ANKRD13A: variants seen among roughly 807,000 people sequenced by gnomAD.
ANKRD13A encodes the protein ankyrin repeat domain-containing protein 13A.
ANKRD13A carries 48 observed loss-of-function variants against 81.3 expected under a neutral mutation model. That is an observed-to-expected ratio of 0.59 (90% CI 0.47 to 0.75). The LOEUF (loss-of-function observed/expected upper bound fraction) is 0.75, where lower values mean the gene tolerates loss of function less well. Ranked by LOEUF, ANKRD13A falls within the 30% of genes least tolerant of loss-of-function variation. The pLI is 0.00. For missense variants in ANKRD13A, 612 were observed against 734.0 expected, an observed-to-expected ratio of 0.83 and a Z score of 1.92; for synonymous variants, 230 against 270.1, an observed-to-expected ratio of 0.85 and a Z score of 1.45.
intron 13 of ANKRD13A, among the ~76,000 whole-genome samples, chr12:110,035,050 C>T (rs973441810): frequency 2.0e-5 from 3 of 152,162 alleles, no homozygotes; most frequent in African/African-American, 4.8e-5. Flanking sequence ...CTGCCACCAC[C>T]ATGGCCCCAT....
Position 109,999,824 on chromosome 12 carries a change from T to C in ANKRD13A, c.96+40T>C. On this transcript the variant is annotated intron_variant, in intron 1 of 14. Transcript: ENST00000261739. This position sits in a 1 kb window ranked among gnomAD's most constrained non-coding sequence, Gnocchi z 4.3. The stretch of plus-strand genomic sequence containing the variant: ...GGGGGTCCGTCTCCCGGTGGGGACT[T>C]CGGGGAATCGGGGGTCGTTTCGCCT... The C allele has an allele frequency of 1.4e-6, 2 of 1,477,992 alleles. No homozygotes were observed. Among genetic ancestry groups the C allele is most frequent in the East Asian group, 2.7e-5 (1 of 37,306 alleles). The allele number at this position is 1,477,992 out of a possible 1,614,324, so 91.6% of individuals were successfully genotyped here.
intron 3 of ANKRD13A, among the ~76,000 whole-genome samples, chr12:110,015,507 CTT>C (rs1380420205): frequency 6.6e-6 from 1 of 152,194 alleles, no homozygotes; most frequent in Non-Finnish European, 1.5e-5. Flanking sequence ...TCAGGTTTGA[CTT>C]TTATCCCCCT....
intron 1 of ANKRD13A, among the ~76,000 whole-genome samples, chr12:110,011,061 C>T (rs1002542027): frequency 6.6e-6 from 1 of 151,492 alleles, no homozygotes; most frequent in East Asian, 1.9e-4. Flanking sequence ...GCTGTGATCA[C>T]GCCACTGCAT....
At position 110,018,768 on chromosome 12, in the gene ANKRD13A, T is replaced by C. The variant is rs1254588772; in HGVS notation, c.544+280T>C. Among the ~76,000 whole-genome samples, 1 of 152,324 alleles carries C rather than the reference T, an allele frequency of 6.6e-6. No homozygotes were observed. The highest frequency in any genetic ancestry group is 2.4e-5 in the African/African-American group (1 of 41,562). On this transcript the variant is annotated intron_variant, in intron 5 of 14. Transcript: ENST00000261739. This position sits in a 1 kb window ranked among gnomAD's most constrained non-coding sequence, Gnocchi z 4.4. ...CACAGGCCTTCTGTGTGTATCTCTGTATAACCCTCCATAATCAGGCATGAG... is the reference window on the plus strand; with the variant it reads ...CACAGGCCTTCTGTGTGTATCTCTGCATAACCCTCCATAATCAGGCATGAG...
rs781065986 is a variant in ANKRD13A, at chr12:110,030,763, A to C, written c.1348+5A>C. On this transcript the variant is annotated splice_donor_5th_base_variant and intron_variant, in intron 12 of 14. Coordinates refer to ENST00000261739, the MANE Select transcript of ANKRD13A (RefSeq NM_033121.2). ...AAGGGACCCAGGCTGATTCAGGTAA[A>C]AAAATAAATAAATACAAAGTTTAGT... 1 of 1,546,214 alleles carries C rather than the reference A, an allele frequency of 6.5e-7. No homozygotes were observed. The highest frequency in any genetic ancestry group is 1.4e-5 in the African/African-American group (1 of 71,798).
At chr12:110,004,484 G>A (rs945634049) in intron 1 of ANKRD13A, among the ~76,000 whole-genome samples, 6 of 151,662 alleles carry the variant, frequency 4.0e-5, no homozygotes, top group African/African-American at 1.2e-4. Context: ...GCGTGGTGGT[G>A]CATGCCTGTA....
At chr12:110,001,539 C>T (rs1889978071) in intron 1 of ANKRD13A, among the ~76,000 whole-genome samples, 1 of 151,252 alleles carries the variant, frequency 6.6e-6, no homozygotes, top group Admixed American at 6.6e-5. Flanking sequence ...TCCCGGGTTC[C>T]AGCGATTCTC....
rs775666144 is a variant in ANKRD13A, at chr12:110,024,075, C to T, written c.764C>T (p.Thr255Ile). The T allele has an allele frequency of 6.2e-7, 1 of 1,612,510 alleles. No individual in the cohort carries two copies. Among genetic ancestry groups the T allele is most frequent in the Non-Finnish European group, 8.5e-7 (1 of 1,179,508 alleles). The change falls in exon 7 of 15, where the codon ACA becomes ATA. Residue 255 changes from threonine to isoleucine, a missense_variant. Physicochemically the swap from Thr to Ile is moderately conservative, Grantham distance 89 (BLOSUM62 -1). Coordinates refer to ENST00000261739, the MANE Select transcript of ANKRD13A (RefSeq NM_033121.2). ...RTKSGFWGWR[T>I]DKAEVVNGYE... ...AAATCCGGATTCTGGGGCTGGAGGA[C>T]AGATAAAGCAGAAGTTGTTAATGGT... is the stretch of plus-strand genomic sequence containing the variant.
At chr12:110,002,370 A>C (rs1890025306) in intron 1 of ANKRD13A, among the ~76,000 whole-genome samples, 1 of 152,160 alleles carries the variant, frequency 6.6e-6, no homozygotes, top group Non-Finnish European at 1.5e-5. Context: ...GAATCTCAGC[A>C]CTTTGGGAGG....
At chr12:110,034,556 C>T (rs753617095) in intron 13 of ANKRD13A, among the ~76,000 whole-genome samples, 14 of 152,194 alleles carry the variant, frequency 9.2e-5, no homozygotes, top group Non-Finnish European at 1.8e-4. Flanking sequence ...CCCACCTCAG[C>T]CTCCCAAGTA....
chr12:110,003,305 G>C (rs997758778), intron 1 of ANKRD13A, among the ~76,000 whole-genome samples: 2 of 152,190 alleles, frequency 1.3e-5, no homozygotes, highest in African/African-American at 4.8e-5. Context: ...GACATTCCTG[G>C]GGTTCTCACT....
chr12:110,002,390 G>A (rs1049397971), intron 1 of ANKRD13A, among the ~76,000 whole-genome samples: 2 of 152,182 alleles, frequency 1.3e-5, no homozygotes, highest in African/African-American at 4.8e-5. Flanking sequence ...GCTGAGGCAG[G>A]CAGATCGCCT....
chr12:110,019,332 C>G lies in ANKRD13A; in HGVS notation c.734+4C>G. On this transcript the variant is annotated splice_donor_region_variant and intron_variant, in intron 6 of 14. Coordinates refer to ENST00000261739, the MANE Select transcript of ANKRD13A (RefSeq NM_033121.2). The stretch of plus-strand genomic sequence containing the variant: ...CTAAAAATATTGCTTTTGAAAGGTA[C>G]AAATTTAGACTCTAAATTTTAATGT... 1 of 1,588,638 alleles carries G rather than the reference C, an allele frequency of 6.3e-7. No homozygotes were observed. Among genetic ancestry groups the G allele is most frequent in the Non-Finnish European group, 8.6e-7 (1 of 1,164,930 alleles).
intron 7 of ANKRD13A, among the ~76,000 whole-genome samples, chr12:110,025,274 T>G (rs1393423751): frequency 1.3e-5 from 2 of 151,284 alleles, no homozygotes; most frequent in Non-Finnish European, 2.9e-5. Flanking sequence ...GAGAATCGCT[T>G]GAACCCAGGA....
intron 12 of ANKRD13A, among the ~76,000 whole-genome samples, chr12:110,033,476 A>G (rs1891831546): frequency 2.0e-5 from 3 of 152,082 alleles, no homozygotes; most frequent in Non-Finnish European, 4.4e-5. Context: ...TATTTACCAT[A>G]TATCTTCCTG....
Position 110,037,460 on chromosome 12 carries a change from T to G in ANKRD13A, c.1679T>G (p.Leu560Arg). 1 of 1,614,156 alleles carries G rather than the reference T, an allele frequency of 6.2e-7. No individual in the cohort carries two copies. Among genetic ancestry groups the G allele is most frequent in the East Asian group, 2.2e-5 (1 of 44,886 alleles). ...FDNDLQLAME[L>R]SAKELEEWEL... ...AATGACTTGCAGCTAGCCATGGAGCTCTCTGCCAAAGAGCTGGAGGAATGG... is the reference window on the plus strand; with the variant it reads ...AATGACTTGCAGCTAGCCATGGAGCGCTCTGCCAAAGAGCTGGAGGAATGG... Residue 560 changes from leucine to arginine, a missense_variant, in exon 15 of 15, where the codon CTC becomes CGC. Physicochemically the swap from Leu to Arg is moderately radical, Grantham distance 102. Coordinates refer to ENST00000261739, the MANE Select transcript of ANKRD13A (RefSeq NM_033121.2).
intron 3 of ANKRD13A, among the ~76,000 whole-genome samples, chr12:110,015,586 C>G (rs1037588016): frequency 2.0e-5 from 3 of 152,202 alleles, no homozygotes; most frequent in Non-Finnish European, 4.4e-5. Flanking sequence ...GGGTCTCACT[C>G]TGTTGCCCAG....
Position 110,039,750 on chromosome 12 carries a change from A to C in ANKRD13A, c.*2196A>C, listed in dbSNP as rs1441190462. 1 of 152,210 alleles carries C rather than the reference A, an allele frequency of 6.6e-6. No homozygotes were observed. The highest frequency in any genetic ancestry group is 6.5e-5 in the Admixed American group (1 of 15,270). The allele number at this position is 152,210 out of a possible 1,614,324, so 9.4% of individuals were successfully genotyped here. A position where few individuals can be genotyped will look rare whatever the true frequency, so the allele number is the denominator to read the frequency against. ...TGCATCAATGCTATCCCTTGAAGCC[A>C]ACTGCTTTGTGAGGCTGTTCCTAGA... is the stretch of plus-strand genomic sequence containing the variant. On this transcript the variant is annotated 3_prime_UTR_variant, in exon 15 of 15. Transcript: ENST00000261739.
chr12:110,008,817 G>A (rs1890366462), intron 1 of ANKRD13A, among the ~76,000 whole-genome samples: 1 of 152,144 alleles, frequency 6.6e-6, no homozygotes, highest in Non-Finnish European at 1.5e-5. Context: ...CCTGGGAGGT[G>A]GAGGTTGCAG....
Sources: allele counts gnomAD v4.1 joint callset (sites outside exome capture counted in the v4.1 genomes callset), GRCh38; gene constraint gnomAD v4.1.1; non-coding constraint Gnocchi (gnomAD v3.1); transcripts MANE v1.5; gene names NCBI Gene and HGNC (gene_info 2026-07-23, HGNC 2026-07-21).